The following STXBP5L variants were observed in gnomAD, a reference collection of about 807,000 sequenced individuals.
STXBP5L encodes syntaxin binding protein 5L.
In STXBP5L, 65 loss-of-function variants were observed where a neutral mutation model predicts 144.5. The observed-to-expected ratio is 0.45, with a 90% CI of 0.37 to 0.55. The LOEUF is 0.55. STXBP5L is among the 20% of genes least tolerant of loss of function. STXBP5L has a pLI of 0.00. For missense variants in STXBP5L, 1,298 were observed against 1,405.5 expected (o/e 0.92, Z 1.22); for synonymous variants, 505 against 469.6 (o/e 1.08, Z -0.97).
intron 5 of STXBP5L, among the ~76,000 whole-genome samples, chr3:121,060,982 T>A (rs948399221): frequency 1.3e-5 from 2 of 152,216 alleles, no homozygotes; most frequent in African/African-American, 4.8e-5. Context: ...TCAGTTCTGC[T>A]CTGATCTTAG....
intron 2 of STXBP5L, among the ~76,000 whole-genome samples, chr3:120,937,429 C>T (rs902091820): frequency 3.3e-5 from 5 of 152,160 alleles, no homozygotes; most frequent in African/African-American, 1.2e-4. Flanking sequence ...CACATTAAAC[C>T]TCCAGCAATT....
chr3:121,383,991 C>T (rs989192790), intron 22 of STXBP5L, among the ~76,000 whole-genome samples: 8 of 152,210 alleles, frequency 5.3e-5, no homozygotes, highest in African/African-American at 1.9e-4. Flanking sequence ...TTGAATGCAT[C>T]TTTTTTCCTG....
chr3:121,332,093 A>C (rs1197913940), intron 20 of STXBP5L, among the ~76,000 whole-genome samples: 3 of 152,056 alleles, frequency 2.0e-5, no homozygotes, highest in Non-Finnish European at 4.4e-5. Context: ...ATTTTTAAAA[A>C]TCACAGATGA....
chr3:120,999,675 G>T (rs1336728372), intron 3 of STXBP5L, among the ~76,000 whole-genome samples: 3 of 152,094 alleles, frequency 2.0e-5, no homozygotes, highest in South Asian at 2.1e-4. Context: ...AGCGTCAATG[G>T]TCTGTGTACT....
chr3:121,037,536 T>C (rs1449680604), intron 3 of STXBP5L, among the ~76,000 whole-genome samples: 1 of 152,100 alleles, frequency 6.6e-6, no homozygotes, highest in Non-Finnish European at 1.5e-5. Flanking sequence ...AGTCTTTTTA[T>C]ATGTTGTTGT....
chr3:120,979,010 G>C (rs1480412358), intron 3 of STXBP5L, among the ~76,000 whole-genome samples: 1 of 152,198 alleles, frequency 6.6e-6, no homozygotes, highest in African/African-American at 2.4e-5. Context: ...GGACCCACTT[G>C]AGGAGGCAGT....
intron 17 of STXBP5L, 81 bp from the exon 18 acceptor site, chr3:121,258,962 A>G (rs2050297219): frequency 7.3e-7 from 1 of 1,361,592 alleles, no homozygotes; most frequent in South Asian, 2.1e-5. Context: ...TTTCTGTAGC[A>G]TGATTCTATG....
chr3:121,074,859 GT>G (rs1422505145), intron 5 of STXBP5L, among the ~76,000 whole-genome samples: 2 of 152,186 alleles, frequency 1.3e-5, no homozygotes, highest in Non-Finnish European at 2.9e-5. Context: ...AAAAATTCAT[GT>G]TGAACCTGCT....
At position 121,304,927 on chromosome 3, in the gene STXBP5L, T is replaced by A. The variant is rs553859167; in HGVS notation, c.2111-13548T>A. Among the ~76,000 whole-genome samples the A allele has an allele frequency of 2.0e-5, 3 of 151,826 alleles. No individual in the cohort carries two copies. The East Asian group carries it at 5.8e-4, about 29-fold the overall frequency. On this transcript the variant is annotated intron_variant, in intron 19 of 26. Transcript: ENST00000471454. ...CCAAAACAGTTCTTCAAAAATACTA[T>A]ATAAAACCCTAACAATACTGATCCA...
intron 5 of STXBP5L, among the ~76,000 whole-genome samples, chr3:121,093,174 C>T (rs964759805): frequency 2.6e-5 from 4 of 152,138 alleles, no homozygotes; most frequent in African/African-American, 9.7e-5. Flanking sequence ...TTCGGTTTGC[C>T]AGTATTTTAT....
At chr3:121,014,183 G>A (rs911695081) in intron 3 of STXBP5L, among the ~76,000 whole-genome samples, 1 of 151,888 alleles carries the variant, frequency 6.6e-6, no homozygotes, top group Admixed American at 6.6e-5. Context: ...AGTCATGTTG[G>A]TAAATAGATA....
chr3:121,010,380 A>T (rs1944682527), intron 3 of STXBP5L, among the ~76,000 whole-genome samples: 1 of 151,766 alleles, frequency 6.6e-6, no homozygotes, highest in Non-Finnish European at 1.5e-5. Context: ...AAACTGGGCA[A>T]GGTATTTTAA....
intron 5 of STXBP5L, among the ~76,000 whole-genome samples, chr3:121,047,686 T>G (rs1228504828): frequency 2.0e-5 from 3 of 152,204 alleles, no homozygotes; most frequent in Non-Finnish European, 1.5e-5. Context: ...TTTTTCTGAC[T>G]GCCATTTGCT....
intron 7 of STXBP5L, among the ~76,000 whole-genome samples, chr3:121,150,795 T>C (rs1025114171): frequency 6.6e-6 from 1 of 152,072 alleles, no homozygotes; most frequent in Non-Finnish European, 1.5e-5. Context: ...CTCAATAAAG[T>C]TGGTTTTATT....
chr3:121,388,818 T>C (rs2046496265), intron 22 of STXBP5L, among the ~76,000 whole-genome samples: 1 of 152,238 alleles, frequency 6.6e-6, no homozygotes, highest in Non-Finnish European at 1.5e-5. Flanking sequence ...GATTTTCACA[T>C]CGATGTTCAT....
At position 121,350,851 on chromosome 3, in the gene STXBP5L, G is replaced by A. The variant is rs186125759; in HGVS notation, c.2177-27865G>A. On this transcript the variant is annotated intron_variant, in intron 20 of 26. Transcript: ENST00000471454. ...CTTCTCTCCATTGGTTATTCTAGTA[G>A]CCATTCATCTAATCTTTTTTCAAGG... Among the ~76,000 whole-genome samples the A allele has an allele frequency of 7.3e-3, 1,103 of 152,040 alleles. 15 individuals carry two copies. The highest frequency in any genetic ancestry group is 0.026 in the African/African-American group (1,057 of 41,424).
At chr3:121,270,916 A>G (rs890940728) in intron 18 of STXBP5L, among the ~76,000 whole-genome samples, 6 of 152,188 alleles carry the variant, frequency 3.9e-5, no homozygotes, top group African/African-American at 1.4e-4. Context: ...TTATCTTATC[A>G]GAAGGTACAT....
chr3:121,337,490 C>G (rs796212297), intron 20 of STXBP5L, among the ~76,000 whole-genome samples: 8 of 150,204 alleles, frequency 5.3e-5, no homozygotes, highest in African/African-American at 1.9e-4. Context: ...GAATCAATCC[C>G]CAGCAAGAAG....
At chr3:121,279,169 C>A (rs1451134774) in intron 18 of STXBP5L, among the ~76,000 whole-genome samples, 5 of 151,548 alleles carry the variant, frequency 3.3e-5, no homozygotes, top group Non-Finnish European at 7.4e-5. Flanking sequence ...AATCAAAATG[C>A]CTACTTAGAA....
Sources: allele counts gnomAD v4.1 joint callset (sites outside exome capture counted in the v4.1 genomes callset), GRCh38; gene constraint gnomAD v4.1.1; transcripts MANE v1.5; gene names NCBI Gene and HGNC (gene_info 2026-07-23, HGNC 2026-07-21).